HDAC9: variants seen among roughly 807,000 people sequenced by gnomAD.
HDAC9 encodes MEF-2 interacting transcription repressor (MITR) protein.
Under a neutral mutation model 139.4 loss-of-function variants are expected in HDAC9, and 41 were observed. The observed-to-expected ratio is 0.29, with a 90% CI of 0.23 to 0.38. HDAC9 has a LOEUF of 0.38. Among genes scored for constraint, HDAC9 ranks in the 10% least tolerant of loss-of-function variants. HDAC9 has a pLI of 1.00. For missense variants in HDAC9, 1,147 were observed against 1,297.0 expected, an observed-to-expected ratio of 0.88 and a Z score of 1.78; for synonymous variants, 517 against 476.2, an observed-to-expected ratio of 1.09 and a Z score of -1.12.
At chr7:18,346,234 C>G (rs1194216186) in intron 1 of HDAC9, among the ~76,000 whole-genome samples, 1 of 152,020 alleles carries the variant, frequency 6.6e-6, no homozygotes, top group Non-Finnish European at 1.5e-5. Flanking sequence ...TTAAAAATGT[C>G]TTATGAATTA....
chr7:18,772,816 C>A lies in HDAC9; in HGVS notation c.2214+5661C>A, dbSNP rs1043740910. Among the ~76,000 whole-genome samples, 8 of 152,122 alleles carry A rather than the reference C, an allele frequency of 5.3e-5. No individual in the cohort carries two copies. The South Asian group carries it at 1.0e-3, about 20-fold the overall frequency. Reference sequence around the variant, plus strand: ...AAACTGAGAATTTAGTTTCATGCTGCAAATTCTGTAAAAAGATTATGTTGC... The same window carrying A: ...AAACTGAGAATTTAGTTTCATGCTGAAAATTCTGTAAAAAGATTATGTTGC... On this transcript the variant is annotated intron_variant, in intron 16 of 25. Coordinates refer to ENST00000686413, the MANE Select transcript of HDAC9 (RefSeq NM_178425.4).
At chr7:18,370,316 AT>A (rs200912857) in intron 1 of HDAC9, among the ~76,000 whole-genome samples, 4,165 of 152,180 alleles carry the variant, frequency 0.027, 199 homozygotes, top group African/African-American at 0.095. Flanking sequence ...ATTGGCCAGG[AT>A]TTTGATGTTT....
At chr7:18,648,340 T>G (rs1231660643) in intron 10 of HDAC9, 126 bp from the exon 11 acceptor site, 2 of 780,020 alleles carry the variant, frequency 2.6e-6, no homozygotes, top group Non-Finnish European at 4.1e-6. Flanking sequence ...TTCACTAATT[T>G]TCTTACAGTT....
At chr7:18,633,131 A>G (rs186123062) in intron 7 of HDAC9, among the ~76,000 whole-genome samples, 2 of 152,220 alleles carry the variant, frequency 1.3e-5, no homozygotes, top group East Asian at 3.9e-4. Context: ...CAAGGGAAAT[A>G]GAAAAGGGAT....
chr7:18,645,508 G>C (rs1021972863), intron 9 of HDAC9, among the ~76,000 whole-genome samples: 3 of 152,066 alleles, frequency 2.0e-5, no homozygotes, highest in African/African-American at 7.2e-5. Flanking sequence ...AAATTTCCTA[G>C]TACTCAGCAG....
chr7:18,919,221 A>C (rs1197661996), intron 22 of HDAC9, among the ~76,000 whole-genome samples: 2 of 152,020 alleles, frequency 1.3e-5, no homozygotes, highest in Non-Finnish European at 2.9e-5. Context: ...CCTTATCGTG[A>C]TACCTAAACT....
At position 18,108,766 on chromosome 7, in the gene HDAC9, C is replaced by A. The variant is rs374504365; in HGVS notation, c.-97+21553C>A. 3.9e-5 allele frequency among the ~76,000 whole-genome samples: 6 copies of A among 152,030 alleles called. No homozygotes were observed. The East Asian group carries it at 1.2e-3, about 30-fold the overall frequency. On this transcript the variant is annotated intron_variant, in intron 1 of 12. Coordinates refer to the HDAC9 transcript ENST00000417496. ...CTTCCTGAGTAGCTAGGATTACAGGCGCGTGCCACCACACCCAGCTAATTT... is the reference window on the plus strand; with the variant it reads ...CTTCCTGAGTAGCTAGGATTACAGGAGCGTGCCACCACACCCAGCTAATTT...
intron 13 of HDAC9, among the ~76,000 whole-genome samples, chr7:18,733,040 T>C (rs771094010): frequency 6.8e-6 from 1 of 146,370 alleles, no homozygotes; most frequent in Non-Finnish European, 1.5e-5. Flanking sequence ...TATATACAGA[T>C]ATACATATAT....
At chr7:18,259,419 G>T (rs1171919730) in intron 2 of HDAC9, among the ~76,000 whole-genome samples, 2 of 152,142 alleles carry the variant, frequency 1.3e-5, no homozygotes, top group African/African-American at 4.8e-5. Flanking sequence ...CTAGAGTGCA[G>T]TGGTGCAGTC....
intron 1 of HDAC9, among the ~76,000 whole-genome samples, chr7:18,419,536 C>G (rs998852433): frequency 6.6e-6 from 1 of 152,150 alleles, no homozygotes. Flanking sequence ...GTATTTCTCT[C>G]CAGACGCTAT....
At chr7:18,780,969 G>A (rs565896988) in intron 16 of HDAC9, among the ~76,000 whole-genome samples, 12 of 152,058 alleles carry the variant, frequency 7.9e-5, no homozygotes, top group African/African-American at 2.2e-4. Flanking sequence ...TTAAGCAACA[G>A]GAATTAATTT....
chr7:18,571,225 G>A (rs1395324368), intron 2 of HDAC9, among the ~76,000 whole-genome samples: 2 of 152,110 alleles, frequency 1.3e-5, no homozygotes, highest in Non-Finnish European at 1.5e-5. Context: ...TTTTAATTCA[G>A]CATTTTAAAA....
chr7:18,798,252 G>A (rs1792980270), intron 17 of HDAC9, among the ~76,000 whole-genome samples: 1 of 152,116 alleles, frequency 6.6e-6, no homozygotes, highest in Non-Finnish European at 1.5e-5. Context: ...CATCAGCAAA[G>A]TGTCAGTCTA....
chr7:18,605,667 C>G (rs947069924), intron 6 of HDAC9, among the ~76,000 whole-genome samples: 2 of 151,898 alleles, frequency 1.3e-5, no homozygotes, highest in African/African-American at 4.8e-5. Context: ...TGAGACTGGG[C>G]CCCTGGAGTT....
intron 17 of HDAC9, among the ~76,000 whole-genome samples, chr7:18,822,347 TTTGTTG>T (rs3085431): frequency 2.1e-4 from 32 of 149,984 alleles, no homozygotes; most frequent in African/African-American, 6.8e-4. Context: ...TGTTTGTTTG[TTTGTTG>T]TTGTTGTTGT....
chr7:18,709,072 C>CT (rs10707338), intron 12 of HDAC9, among the ~76,000 whole-genome samples: 107 of 148,382 alleles, frequency 7.2e-4, no homozygotes, highest in African/African-American at 9.1e-4. Context: ...GACTTTGTTT[C>CT]TTTTTTTTTT....
At chr7:18,554,484 C>T (rs1407429408) in intron 2 of HDAC9, among the ~76,000 whole-genome samples, 1 of 151,808 alleles carries the variant, frequency 6.6e-6, no homozygotes, top group Non-Finnish European at 1.5e-5. Flanking sequence ...TACAGGCGCC[C>T]GCCACCACGC....
At chr7:18,511,777 C>A (rs1338444146) in intron 2 of HDAC9, among the ~76,000 whole-genome samples, 3 of 152,134 alleles carry the variant, frequency 2.0e-5, no homozygotes, top group Non-Finnish European at 4.4e-5. Flanking sequence ...ACTTTCTTCA[C>A]ACCCCTGCCA....
At chr7:18,343,930 A>G (rs1193370562) in intron 1 of HDAC9, among the ~76,000 whole-genome samples, 1 of 151,930 alleles carries the variant, frequency 6.6e-6, no homozygotes, top group East Asian at 1.9e-4. Flanking sequence ...CTAGTCTAGT[A>G]TAGTTCAGAA....
Sources: gnomAD v4.1 joint callset for allele counts (sites outside exome capture counted in the v4.1 genomes callset) on GRCh38, gnomAD v4.1.1 for gene constraint, MANE v1.5 for transcripts, NCBI Gene and HGNC (gene_info 2026-07-23, HGNC 2026-07-21) for gene names.